ADGRV1: variants seen among roughly 807,000 people sequenced by gnomAD.
ADGRV1 encodes the protein G-protein coupled receptor 98.
ADGRV1 carries 359 observed loss-of-function variants against 596.2 expected under a neutral mutation model. The ratio of observed to expected loss-of-function variants is 0.60; its 90% CI spans 0.55 to 0.66. The LOEUF (loss-of-function observed/expected upper bound fraction) is 0.66. ADGRV1 is among the 30% of genes least tolerant of loss of function. The pLI is 0.00. For missense variants in ADGRV1, 7,274 were observed against 7,575.6 expected, an observed-to-expected ratio of 0.96 and a Z score of 1.48; for synonymous variants, 2,681 against 2,679.2, an observed-to-expected ratio of 1.00 and a Z score of -0.02.
At chr5:90,716,072 C>CT (rs1258052372) in intron 42 of ADGRV1, among the ~76,000 whole-genome samples, 2 of 152,200 alleles carry the variant, frequency 1.3e-5, no homozygotes, top group African/African-American at 4.8e-5. Flanking sequence ...AGTTCTGACT[C>CT]TTTCCACTAC....
intron 86 of ADGRV1, among the ~76,000 whole-genome samples, chr5:91,096,061 A>T (rs1452351941): frequency 1.3e-5 from 2 of 151,828 alleles, no homozygotes; most frequent in African/African-American, 4.9e-5. Flanking sequence ...CACTTGGCTG[A>T]TATCTTAAAT....
rs1759852601 is a variant in ADGRV1 at position 90,789,622 on chromosome 5, CTGTT to C, written c.13894-75_13894-72del. On this transcript the variant is annotated intron_variant, in intron 68 of 89. Coordinates refer to ENST00000405460, the MANE Select transcript of ADGRV1 (RefSeq NM_032119.4). ...TGTTTCTTTCATTTCCTCAGCTTCT[CTGTT>C]TGTTAATATGTTGGATACTATAATT... 32 of 797,946 alleles carry C rather than the reference CTGTT, an allele frequency of 4.0e-5. No homozygotes were observed. The South Asian group carries it at 7.9e-4, about 20-fold the overall frequency. The allele number at this position is 797,946 out of a possible 1,614,324, so 49.4% of individuals were successfully genotyped here.
At chr5:90,599,780 G>T (rs1311578775) in intron 1 of ADGRV1, among the ~76,000 whole-genome samples, 1 of 152,108 alleles carries the variant, frequency 6.6e-6, no homozygotes, top group Non-Finnish European at 1.5e-5. Flanking sequence ...AAATAATACT[G>T]TAAAGTCATT....
chr5:90,823,526 T>G lies in ADGRV1; in HGVS notation c.16298T>G (p.Val5433Gly). 1 of 1,613,990 alleles carries G rather than the reference T, an allele frequency of 6.2e-7. No homozygotes were observed. The change falls in exon 76 of 90, where the codon GTG (valine) becomes GGG (glycine). Residue 5433 changes from valine (V) to glycine (G), a missense_variant. Physicochemically the swap from Val to Gly is moderately radical, Grantham distance 109. This residue lies in a region of ADGRV1 where 1,874 missense variants were observed against 1,970.2 expected (regional missense o/e 0.95). Transcript: ENST00000405460. ...AACCTGGTGGAGGAACTTCAGTCTG[T>G]GTCAGGGACCACAACCTGTACAATG... ...GVNLVEELQSVSGTTTCTMGQ... is the reference protein window; with the variant it reads ...GVNLVEELQSGSGTTTCTMGQ...
intron 1 of ADGRV1, among the ~76,000 whole-genome samples, chr5:90,597,298 C>T (rs968076890): frequency 6.6e-6 from 1 of 152,148 alleles, no homozygotes; most frequent in African/African-American, 2.4e-5. Flanking sequence ...GAAAGTTGTT[C>T]TGTGGCCATT....
chr5:90,643,975 T>C lies in ADGRV1; in HGVS notation c.2726T>C (p.Ile909Thr), dbSNP rs574552282. 5.4e-5 allele frequency: 85 copies of C among 1,582,970 alleles called. No homozygotes were observed. In the South Asian group the frequency reaches 8.6e-4, roughly 16 times the overall value. Residue 909 changes from isoleucine to threonine, a missense_variant, in exon 14 of 90, where the codon ATC (isoleucine) becomes ACC (threonine). By Grantham distance (89) the Ile-to-Thr change is moderately conservative (BLOSUM62 -1). Coordinates refer to ENST00000405460, the MANE Select transcript of ADGRV1 (RefSeq NM_032119.4). ...VMINESKGDA[I>T]YSAVYDVVRN... ...ATAAATGAAAGCAAAGGAGATGCTATCTATAGTGGTAATTTATTCTGTGTC... is the reference window on the plus strand; with the variant it reads ...ATAAATGAAAGCAAAGGAGATGCTACCTATAGTGGTAATTTATTCTGTGTC...
intron 77 of ADGRV1, among the ~76,000 whole-genome samples, chr5:90,835,904 A>C (rs1050257351): frequency 6.6e-6 from 1 of 152,356 alleles, no homozygotes. Context: ...AGAACTTTGG[A>C]ACATCAGGAA....
chr5:90,841,029 TA>T, intron 78 of ADGRV1, 44 bp downstream of exon 78: 1 of 1,396,234 alleles, frequency 7.2e-7, no homozygotes. Context: ...TGAAATTTTG[TA>T]AATTTAAAAA....
Position 90,784,056 on chromosome 5 carries a change from A to C in ADGRV1, c.13652A>C (p.Gln4551Pro). The C allele has an allele frequency of 1.3e-6, 2 of 1,597,912 alleles. No individual in the cohort carries two copies. The highest frequency in any genetic ancestry group is 1.7e-6 in the Non-Finnish European group (2 of 1,168,266). Residue 4551 changes from glutamine to proline, a missense_variant and splice_region_variant, in exon 67 of 90, where the codon CAG becomes CCG. Transcript: ENST00000405460. The stretch of plus-strand genomic sequence containing the variant: ...ACTGGAGGACTCTTGGGAGAGATTC[A>C]GGTAGATTTATGTTCCCCATGACTT... The part of the protein sequence containing the change: ...ERTGGLLGEI[Q>P]VNWETVGPNS...
intron 85 of ADGRV1, among the ~76,000 whole-genome samples, chr5:91,040,717 G>A (rs1785270731): frequency 6.6e-6 from 1 of 152,166 alleles, no homozygotes; most frequent in Non-Finnish European, 1.5e-5. Context: ...CCAGTTATCT[G>A]CAATTTTGGA....
At chr5:91,155,403 G>A (rs988735677) in intron 89 of ADGRV1, among the ~76,000 whole-genome samples, 3 of 152,112 alleles carry the variant, frequency 2.0e-5, no homozygotes, top group Admixed American at 6.5e-5. Context: ...GAGAGAAGCC[G>A]GGCAGCAGAA....
intron 61 of ADGRV1, among the ~76,000 whole-genome samples, chr5:90,777,339 A>C (rs1312595828): frequency 6.6e-6 from 1 of 152,130 alleles, no homozygotes; most frequent in Non-Finnish European, 1.5e-5. Context: ...CTTCAACATG[A>C]GATTTATGTG....
chr5:90,706,425 G>C, intron 38 of ADGRV1, 31 bp downstream of exon 38: 2 of 1,504,114 alleles, frequency 1.3e-6, no homozygotes, highest in Admixed American at 5.0e-5. Flanking sequence ...TAATCTTAGG[G>C]GGAGATAGTT....
rs767113968 is a variant in ADGRV1 at position 90,777,927 on chromosome 5, T to C, written c.12550T>C (p.Leu4184=). The change falls in exon 62 of 90, where the codon TTG becomes CTG. Residue 4184 remains leucine (L), a synonymous_variant. Transcript: ENST00000405460. ...IISLVRGPGI[L]GEVTVFWRIF... ...TAGCCTTGTTCGAGGCCCAGGGATT[T>C]TGGGGGAGGTCACAGTGTTCTGGAG... The C allele has an allele frequency of 3.1e-6, 5 of 1,611,712 alleles. No homozygotes were observed. Among genetic ancestry groups the C allele is most frequent in the Non-Finnish European group, 4.2e-6 (5 of 1,178,410 alleles).
chr5:91,042,408 C>T (rs1032612671), intron 85 of ADGRV1, among the ~76,000 whole-genome samples: 2 of 152,182 alleles, frequency 1.3e-5, no homozygotes, highest in African/African-American at 4.8e-5. Flanking sequence ...CATAAGGAGA[C>T]ATGCCTACCT....
At chr5:90,841,065 C>A (rs1581281613) in intron 78 of ADGRV1, 80 bp downstream of exon 78, 3 of 917,312 alleles carry the variant, frequency 3.3e-6, no homozygotes, top group African/African-American at 1.7e-5. Flanking sequence ...AAATCACATT[C>A]TCTTTTAACA....
intron 41 of ADGRV1, 102 bp from the exon 42 acceptor site, chr5:90,712,185 A>T (rs959285956): frequency 4.6e-6 from 3 of 653,854 alleles, no homozygotes; most frequent in South Asian, 7.8e-5. Context: ...AAAATAGCTT[A>T]TTCTTTACAT....
At chr5:91,140,833 G>A (rs1335090944) in intron 87 of ADGRV1, among the ~76,000 whole-genome samples, 12 of 152,178 alleles carry the variant, frequency 7.9e-5, no homozygotes, top group Middle Eastern at 3.2e-3. Flanking sequence ...ACTGATTAGC[G>A]TTCCATGCTT....
At chr5:90,733,764 C>A (rs1025180622) in intron 50 of ADGRV1, among the ~76,000 whole-genome samples, 6 of 152,080 alleles carry the variant, frequency 3.9e-5, no homozygotes, top group Admixed American at 3.9e-4. Context: ...ACATATCCAT[C>A]ACTTACTTAA....
Sources: gnomAD v4.1 joint callset for allele counts (sites outside exome capture counted in the v4.1 genomes callset) on GRCh38, gnomAD v4.1.1 for gene constraint, gnomAD v4.1.1 regional missense constraint, MANE v1.5 for transcripts, NCBI Gene and HGNC (gene_info 2026-07-23, HGNC 2026-07-21) for gene names.